The following COL6A6 variants were observed in gnomAD, a reference collection of about 807,000 sequenced individuals.
COL6A6 encodes collagen type VI alpha 6 chain.
In COL6A6, 183 loss-of-function variants were observed where a neutral mutation model predicts 208.6. That is an observed-to-expected ratio of 0.88 (90% CI 0.78 to 0.99). The LOEUF is 0.99. Among genes scored for constraint, COL6A6 ranks in the 50% least tolerant of loss-of-function variants. The pLI is 0.00. For missense variants in COL6A6, 2,816 were observed against 2,815.2 expected (o/e 1.00, Z -0.01); for synonymous variants, 973 against 1,011.8 (o/e 0.96, Z 0.73).
intron 23 of COL6A6, among the ~76,000 whole-genome samples, chr3:130,616,516 T>A (rs1405852829): frequency 4.0e-5 from 6 of 149,914 alleles, no homozygotes; most frequent in Non-Finnish European, 5.9e-5. Flanking sequence ...CCCCTTTGGT[T>A]TACCTTAAGG....
Position 130,675,424 on chromosome 3 carries a change from G to C in COL6A6, c.*27G>C. 1.3e-6 allele frequency: 2 copies of C among 1,507,974 alleles called. No homozygotes were observed. Among genetic ancestry groups the C allele is most frequent in the Non-Finnish European group, 1.8e-6 (2 of 1,120,080 alleles). The allele number at this position is 1,507,974 out of a possible 1,614,324, so 93.4% of individuals were successfully genotyped here. A position where few individuals can be genotyped will look rare whatever the true frequency, so the allele number is the denominator to read the frequency against. Reference sequence around the variant, plus strand: ...AAAATGCTTGAACAACTTAGCCTTAGGAAGCATGGTAAGACTCTGGACTTA... The same window carrying C: ...AAAATGCTTGAACAACTTAGCCTTACGAAGCATGGTAAGACTCTGGACTTA... On this transcript the variant is annotated 3_prime_UTR_variant, in exon 37 of 37. Coordinates refer to ENST00000358511, the MANE Select transcript of COL6A6 (RefSeq NM_001102608.3).
Position 130,581,994 on chromosome 3 carries a change from T to C in COL6A6, c.3896T>C (p.Val1299Ala). Residue 1299 changes from valine (V) to alanine (A), a missense_variant, in exon 10 of 37, where the codon GTC (valine) becomes GCC (alanine). Val to Ala is a moderately conservative substitution (Grantham distance 64). Coordinates refer to ENST00000358511, the MANE Select transcript of COL6A6 (RefSeq NM_001102608.3). Reference protein sequence around the residue: ...QNKSAARGKVVLLFSDGLDDD... With the variant: ...QNKSAARGKVALLFSDGLDDD... Reference sequence around the variant, plus strand: ...TTTTTTTGAATACTTTCTTAGGTGGTCCTTTTATTTTCAGATGGATTGGAT... The same window carrying C: ...TTTTTTTGAATACTTTCTTAGGTGGCCCTTTTATTTTCAGATGGATTGGAT... 6.2e-7 allele frequency: 1 copy of C among 1,608,802 alleles called. No homozygotes were observed. Among genetic ancestry groups the C allele is most frequent in the South Asian group, 1.1e-5 (1 of 90,382 alleles).
intron 1 of COL6A6, among the ~76,000 whole-genome samples, chr3:130,540,791 G>T (rs1577645275): frequency 6.6e-6 from 1 of 152,120 alleles, no homozygotes; most frequent in Non-Finnish European, 1.5e-5. Context: ...GTTTGCTGAG[G>T]ATAGTGACTT....
chr3:130,537,529 T>C (rs1320948690), intron 1 of COL6A6, among the ~76,000 whole-genome samples: 1 of 152,340 alleles, frequency 6.6e-6, no homozygotes, highest in Non-Finnish European at 1.5e-5. Context: ...ATAGAGAAAA[T>C]CCATGCTAGC....
chr3:130,550,066 C>A (rs1026819295), intron 1 of COL6A6, among the ~76,000 whole-genome samples: 9 of 152,062 alleles, frequency 5.9e-5, no homozygotes, highest in Non-Finnish European at 1.0e-4. Flanking sequence ...CTTTTTGTGG[C>A]TAATGCGAGT....
chr3:130,539,981 C>T (rs2062322671), intron 1 of COL6A6, among the ~76,000 whole-genome samples: 1 of 152,196 alleles, frequency 6.6e-6, no homozygotes, highest in Non-Finnish European at 1.5e-5. Flanking sequence ...CAGTTCATTA[C>T]ATACTCATTT....
rs149315192 is a variant in COL6A6 at position 130,521,738 on chromosome 3, G to A, written c.-32+4341G>A. On this transcript the variant is annotated intron_variant, in intron 1 of 36. Transcript: ENST00000358511. ...GACCCATGTAGGGTAGGCCAGAAGG[G>A]CCTGGAAGTAAACACCCCTGGAGCA... Among the ~76,000 whole-genome samples the A allele has an allele frequency of 4.0e-3, 606 of 152,304 alleles. 14 individuals carry two copies. The highest frequency in any genetic ancestry group is 0.028 in the South Asian group (136 of 4,816).
intron 1 of COL6A6, among the ~76,000 whole-genome samples, chr3:130,522,950 C>T (rs1711159210): frequency 6.6e-6 from 1 of 151,530 alleles, no homozygotes; most frequent in Non-Finnish European, 1.5e-5. Flanking sequence ...TAGCATTCTC[C>T]ACACTTCAGC....
chr3:130,586,571 C>T lies in COL6A6; in HGVS notation c.4036C>T (p.Pro1346Ser), dbSNP rs191454120. 2 of 1,613,936 alleles carry T rather than the reference C, an allele frequency of 1.2e-6. No individual in the cohort carries two copies. The highest frequency in any genetic ancestry group is 1.1e-5 in the South Asian group (1 of 91,070). ...TGATTCAAGTGACTTGGCTGATCTT[C>T]CCTATATTGAATTTGGGAAAGGATT... ...PADSSDLADL[P>S]YIEFGKGFEY... Residue 1346 changes from proline to serine, a missense_variant, in exon 11 of 37, where the codon CCC becomes TCC. Pro to Ser is a moderately conservative substitution (Grantham distance 74). Coordinates refer to ENST00000358511, the MANE Select transcript of COL6A6 (RefSeq NM_001102608.3).
rs2063050194 is a variant in COL6A6 at position 130,567,269 on chromosome 3, G to T, written c.1843+7G>T. Reference sequence around the variant, plus strand: ...GAAATCTGTACTGAAGAAGGTAAGAGAAATCGTGGCTTTACCTACTGACCT... The same window carrying T: ...GAAATCTGTACTGAAGAAGGTAAGATAAATCGTGGCTTTACCTACTGACCT... On this transcript the variant is annotated splice_region_variant and intron_variant, in intron 5 of 36. Transcript: ENST00000358511. 6.3e-7 allele frequency: 1 copy of T among 1,588,744 alleles called. No homozygotes were observed. The highest frequency in any genetic ancestry group is 8.6e-7 in the Non-Finnish European group (1 of 1,164,878).
chr3:130,616,810 T>C (rs1269455502), intron 23 of COL6A6, among the ~76,000 whole-genome samples: 1 of 152,156 alleles, frequency 6.6e-6, no homozygotes, highest in Non-Finnish European at 1.5e-5. Context: ...TTCCTAACTT[T>C]GTACCTTACT....
At position 130,581,526 on chromosome 3, in the gene COL6A6, G is replaced by A. The variant is rs2063419951; in HGVS notation, c.3548-35G>A. ...TCTGAGTTAAATAAAGGCGTTTGTT[G>A]ATTTATTAAGACATGCTTTTCCTTT... On this transcript the variant is annotated intron_variant, in intron 8 of 36. Coordinates refer to ENST00000358511, the MANE Select transcript of COL6A6 (RefSeq NM_001102608.3). 4.8e-6 allele frequency: 7 copies of A among 1,472,256 alleles called. No individual in the cohort carries two copies. The East Asian group carries it at 1.6e-4, about 34-fold the overall frequency. The allele number at this position is 1,472,256 out of a possible 1,614,324, so 91.2% of individuals were successfully genotyped here. A position where few individuals can be genotyped will look rare whatever the true frequency, so the allele number is the denominator to read the frequency against.
chr3:130,566,166 G>A (rs891123848), intron 4 of COL6A6, among the ~76,000 whole-genome samples: 4 of 152,252 alleles, frequency 2.6e-5, no homozygotes, highest in African/African-American at 7.2e-5. Flanking sequence ...ATATTTTTAT[G>A]TATTGGTATA....
In COL6A6 at chr3:130,592,623, C is replaced by G. The variant is rs2063746676; in HGVS notation, c.4344+11C>G. 1.2e-6 allele frequency: 2 copies of G among 1,612,952 alleles called. No homozygotes were observed. The highest frequency in any genetic ancestry group is 3.3e-5 in the Admixed American group (2 of 59,974). ...ACCAAAGGTCCTAAGGTAAGGATTG[C>G]ATAAGAGTGTGGAGTTTTCTCAATA... On this transcript the variant is annotated intron_variant, in intron 14 of 36. Coordinates refer to ENST00000358511, the MANE Select transcript of COL6A6 (RefSeq NM_001102608.3).
chr3:130,544,577 C>T (rs1002969406), intron 1 of COL6A6, among the ~76,000 whole-genome samples: 2 of 152,152 alleles, frequency 1.3e-5, no homozygotes, highest in African/African-American at 4.8e-5. Flanking sequence ...CAGGGTCATA[C>T]GTAGTTCTAT....
At chr3:130,670,592 C>T (rs573357334) in intron 36 of COL6A6, among the ~76,000 whole-genome samples, 1 of 152,236 alleles carries the variant, frequency 6.6e-6, no homozygotes, top group Non-Finnish European at 1.5e-5. Flanking sequence ...TTCCCCCACC[C>T]CACCTACCCT....
At chr3:130,643,779 C>T (rs1180838435) in intron 31 of COL6A6, among the ~76,000 whole-genome samples, 1 of 152,134 alleles carries the variant, frequency 6.6e-6, no homozygotes, top group African/African-American at 2.4e-5. Flanking sequence ...AAAGTTTCCT[C>T]CAGATATTTT....
intron 1 of COL6A6, among the ~76,000 whole-genome samples, chr3:130,554,920 C>A (rs946829299): frequency 2.6e-5 from 4 of 152,054 alleles, no homozygotes; most frequent in Non-Finnish European, 5.9e-5. Context: ...TGACGTGGGC[C>A]CCTGAGAGGT....
chr3:130,586,260 A>G (rs1291351461), intron 10 of COL6A6, among the ~76,000 whole-genome samples: 1 of 152,248 alleles, frequency 6.6e-6, no homozygotes, highest in Admixed American at 6.5e-5. Context: ...AAATCAAGGA[A>G]CTGGAAGTTG....
Sources: gnomAD v4.1 joint callset for allele counts (sites outside exome capture counted in the v4.1 genomes callset) on GRCh38, gnomAD v4.1.1 for gene constraint, MANE v1.5 for transcripts, NCBI Gene and HGNC (gene_info 2026-07-23, HGNC 2026-07-21) for gene names.